The following RASA1 variants were observed in gnomAD, a reference collection of about 807,000 sequenced individuals.
RASA1 encodes RAS p21 protein activator 1.
A neutral mutation model predicts 132.2 loss-of-function variants in RASA1; 25 were observed. That is an observed-to-expected ratio of 0.19 (90% CI 0.14 to 0.26). The LOEUF (loss-of-function observed/expected upper bound fraction) is 0.26. Among genes scored for constraint, RASA1 ranks in the 10% least tolerant of loss-of-function variants. RASA1 has a pLI of 1.00. For missense variants in RASA1, 964 were observed against 1,299.2 expected (o/e 0.74, Z 3.97); for synonymous variants, 477 against 449.9 (o/e 1.06, Z -0.76).
chr5:87,353,727 T>TG (rs1759449093), intron 9 of RASA1, among the ~76,000 whole-genome samples: 2 of 151,994 alleles, frequency 1.3e-5, no homozygotes, highest in Admixed American at 6.6e-5. Context: ...TGAAGTTGTA[T>TG]GGGGAGATGG....
intron 1 of RASA1, among the ~76,000 whole-genome samples, chr5:87,291,207 T>C (rs537751103): frequency 6.6e-6 from 1 of 152,196 alleles, no homozygotes; most frequent in African/African-American, 2.4e-5. Flanking sequence ...TATGATGATA[T>C]ATAATGGTTT....
chr5:87,334,596 A>G (rs1283278256), intron 4 of RASA1, among the ~76,000 whole-genome samples: 1 of 152,212 alleles, frequency 6.6e-6, no homozygotes, highest in East Asian at 1.9e-4. Flanking sequence ...TAAATTTTAC[A>G]ATGATGGTAC....
intron 1 of RASA1, among the ~76,000 whole-genome samples, chr5:87,322,574 G>A (rs1756907983): frequency 6.6e-6 from 1 of 152,072 alleles, no homozygotes; most frequent in African/African-American, 2.4e-5. Context: ...CATGTGATGT[G>A]CTAGCTCTCC....
intron 23 of RASA1, among the ~76,000 whole-genome samples, chr5:87,388,583 TTCAACCTATAC>T (rs1405882550): frequency 2.0e-5 from 3 of 152,206 alleles, no homozygotes; most frequent in Non-Finnish European, 2.9e-5. Context: ...TTGGGTGATA[TTCAACCTATAC>T]TATAAACTTT....
At chr5:87,330,980 C>T (rs538102459) in intron 1 of RASA1, 19 of 1,431,770 alleles carry the variant, frequency 1.3e-5, no homozygotes, top group Non-Finnish European at 1.7e-5. Flanking sequence ...AGTATAAGAT[C>T]GAGGTAGTAA....
intron 6 of RASA1, among the ~76,000 whole-genome samples, chr5:87,344,608 A>G (rs1310561972): frequency 2.6e-5 from 4 of 151,706 alleles, no homozygotes; most frequent in Non-Finnish European, 5.9e-5. Flanking sequence ...GGCTCAAGTG[A>G]TCTTCCTGCC....
rs1762520643 is a variant in RASA1 at position 87,391,561 on chromosome 5, G to C, written c.*678G>C. 2.1e-5 allele frequency: 5 copies of C among 236,674 alleles called. No homozygotes were observed. Among genetic ancestry groups the C allele is most frequent in the Admixed American group, 5.3e-5 (1 of 18,726 alleles). 14.7% of individuals were successfully genotyped at this position (236,674 alleles called of 1,614,324 possible). A position where few individuals can be genotyped will look rare whatever the true frequency, so the allele number is the denominator to read the frequency against. On this transcript the variant is annotated 3_prime_UTR_variant, in exon 25 of 25. Coordinates refer to ENST00000274376, the MANE Select transcript of RASA1 (RefSeq NM_002890.3). ...TTGAAATTGTCAAAGACTGTATTTA[G>C]ATCTCATAATGCTTTGTTAAATGTT...
chr5:87,388,837 T>C (rs1045364209), intron 23 of RASA1, among the ~76,000 whole-genome samples: 1 of 152,204 alleles, frequency 6.6e-6, no homozygotes, highest in African/African-American at 2.4e-5. Context: ...TTAGGCTGCA[T>C]TTAATCCAGA....
intron 1 of RASA1, among the ~76,000 whole-genome samples, chr5:87,281,699 A>G (rs749375181): frequency 1.1e-4 from 17 of 148,448 alleles, no homozygotes; most frequent in Non-Finnish European, 1.8e-4. Flanking sequence ...TCCTGTTTCA[A>G]CCTCCCAGCT....
intron 1 of RASA1, among the ~76,000 whole-genome samples, chr5:87,297,645 G>C (rs751504200): frequency 6.6e-6 from 1 of 152,198 alleles, no homozygotes; most frequent in Non-Finnish European, 1.5e-5. Context: ...ATTAGTTTCT[G>C]TTCAAGGCAG....
chr5:87,312,577 C>G (rs1409435488), intron 1 of RASA1, among the ~76,000 whole-genome samples: 1 of 152,092 alleles, frequency 6.6e-6, no homozygotes, highest in Admixed American at 6.5e-5. Flanking sequence ...GGCCTAGAGA[C>G]CTTTTCGCTG....
At chr5:87,320,775 C>T (rs1012898339) in intron 1 of RASA1, among the ~76,000 whole-genome samples, 3 of 152,154 alleles carry the variant, frequency 2.0e-5, no homozygotes, top group African/African-American at 7.2e-5. Flanking sequence ...TTAAAAATGG[C>T]TTTATGCAAG....
chr5:87,334,497 G>C (rs565100141), intron 4 of RASA1, among the ~76,000 whole-genome samples: 4 of 152,274 alleles, frequency 2.6e-5, no homozygotes, highest in African/African-American at 9.6e-5. Context: ...CTATGGCCCA[G>C]CCAAGTTGAC....
At chr5:87,364,376 T>C (rs1580358678) in intron 11 of RASA1, among the ~76,000 whole-genome samples, 1 of 152,174 alleles carries the variant, frequency 6.6e-6, no homozygotes, top group South Asian at 2.1e-4. Context: ...AATGATCAAA[T>C]AGGTTTGGGA....
chr5:87,269,690 A>T (rs528331850), intron 1 of RASA1, among the ~76,000 whole-genome samples: 1 of 152,346 alleles, frequency 6.6e-6, no homozygotes, highest in Admixed American at 6.5e-5. Flanking sequence ...GGCAAAACAA[A>T]ATCAATAGAG....
chr5:87,287,748 ACCATTATG>A (rs1754708366), intron 1 of RASA1, among the ~76,000 whole-genome samples: 6 of 138,518 alleles, frequency 4.3e-5, no homozygotes, highest in African/African-American at 8.1e-5. Flanking sequence ...CCATAGATAT[ACCATTATG>A]TACACGCCAT....
chr5:87,376,936 A>G lies in RASA1; in HGVS notation c.2240A>G (p.Gln747Arg), dbSNP rs773854021. The G allele has an allele frequency of 1.2e-6, 2 of 1,611,026 alleles. No individual in the cohort carries two copies. The highest frequency in any genetic ancestry group is 3.3e-5 in the Admixed American group (2 of 60,012). ...VVYALSHVCG[Q>R]DRTLLASILL... ...TATGCTTTATCACATGTATGTGGACAAGACCGAACACTACTGGCCAGCATC... is the reference window on the plus strand; with the variant it reads ...TATGCTTTATCACATGTATGTGGACGAGACCGAACACTACTGGCCAGCATC... Residue 747 changes from glutamine to arginine, a missense_variant, in exon 17 of 25, where the codon CAA (glutamine) becomes CGA (arginine). Gln to Arg is a conservative substitution (Grantham distance 43). Around this residue, in one of 6 missense-constraint regions of RASA1, gnomAD observed 346 missense variants for 520.1 expected, o/e 0.67. Coordinates refer to ENST00000274376, the MANE Select transcript of RASA1 (RefSeq NM_002890.3).
At chr5:87,374,735 T>G in intron 14 of RASA1, 105 bp from the exon 15 acceptor site, 1 of 1,503,954 alleles carries the variant, frequency 6.6e-7, no homozygotes, top group East Asian at 2.4e-5. Flanking sequence ...CACTGTTTTT[T>G]TTTTTAAAGC....
intron 1 of RASA1, among the ~76,000 whole-genome samples, chr5:87,283,135 G>GTTTTTTTTTTTTTTTTTTT (rs150142048): frequency 1.0e-5 from 1 of 99,864 alleles, no homozygotes. Flanking sequence ...AGTAAGTTTT[G>GTTTTTTTTTTTTTTTTTTT]TTTTTTTTTT....
Sources: allele counts gnomAD v4.1 joint callset (sites outside exome capture counted in the v4.1 genomes callset), GRCh38; gene constraint gnomAD v4.1.1; regional missense constraint gnomAD v4.1.1; transcripts MANE v1.5; gene names NCBI Gene and HGNC (gene_info 2026-07-23, HGNC 2026-07-21).